STPG1: variants seen among roughly 807,000 people sequenced by gnomAD.
STPG1 encodes O(6)-methylguanine-induced apoptosis 2.
A neutral mutation model predicts 40.1 loss-of-function variants in STPG1; 33 were observed. The observed-to-expected ratio is 0.82, with a 90% CI of 0.62 to 1.10. The LOEUF (loss-of-function observed/expected upper bound fraction) is 1.10. STPG1 is among the 50% of genes least tolerant of loss of function. The pLI, the probability that STPG1 is intolerant of heterozygous loss-of-function variation, is 0.00. For synonymous variants in STPG1, 150 were observed against 155.0 expected (o/e 0.97, Z 0.24); for missense variants, 396 against 415.1 (o/e 0.95, Z 0.40).
At position 24,358,050 on chromosome 1, in the gene STPG1, A is replaced by AC; in HGVS notation, c.*492dup. The stretch of plus-strand genomic sequence containing the variant: ...CAGGTAGCTTTCGCCCAGTAGACAT[A>AC]CCGTAAGTGAGTGAGGTCAGAAAGG... On this transcript the variant is annotated 3_prime_UTR_variant, in exon 9 of 9. Coordinates refer to ENST00000337248, the MANE Select transcript of STPG1 (RefSeq NM_001199013.2). 2.7e-6 allele frequency: 1 copy of AC among 368,436 alleles called. No homozygotes were observed. 22.8% of individuals were successfully genotyped at this position (368,436 alleles called of 1,614,324 possible).
chr1:24,382,656 C>G (rs1642338500), intron 4 of STPG1, among the ~76,000 whole-genome samples: 2 of 152,296 alleles, frequency 1.3e-5, no homozygotes, highest in Middle Eastern at 3.4e-3. Flanking sequence ...CATGTACAAA[C>G]TCAGCTTCTT....
chr1:24,387,290 T>C (rs1024709886), intron 3 of STPG1, among the ~76,000 whole-genome samples: 2 of 152,166 alleles, frequency 1.3e-5, no homozygotes, highest in African/African-American at 4.8e-5. Flanking sequence ...ACAGTGCTCA[T>C]GGATGGATGT....
chr1:24,375,605 G>A (rs1307203522), intron 5 of STPG1, among the ~76,000 whole-genome samples: 1 of 152,088 alleles, frequency 6.6e-6, no homozygotes, highest in Non-Finnish European at 1.5e-5. Flanking sequence ...AAGAGGACTC[G>A]AATATACAAG....
At chr1:24,364,547 C>T (rs1641330427) in intron 7 of STPG1, 3 of 1,110,756 alleles carry the variant, frequency 2.7e-6, no homozygotes, top group South Asian at 4.9e-5. Flanking sequence ...TCTTCCTCAG[C>T]TTTGAGGCCC....
intron 4 of STPG1, among the ~76,000 whole-genome samples, chr1:24,381,906 C>A (rs563744114): frequency 6.6e-6 from 1 of 152,172 alleles, no homozygotes; most frequent in African/African-American, 2.4e-5. Flanking sequence ...TGAGGTAAAA[C>A]GCAGAGATCT....
At chr1:24,407,836 T>C (rs1643473622) in intron 1 of STPG1, among the ~76,000 whole-genome samples, 1 of 152,246 alleles carries the variant, frequency 6.6e-6, no homozygotes, top group Non-Finnish European at 1.5e-5. Context: ...ACATTTGGGC[T>C]CTTTTTCTAT....
chr1:24,388,170 C>A (rs940093454), intron 3 of STPG1, among the ~76,000 whole-genome samples: 5 of 152,134 alleles, frequency 3.3e-5, no homozygotes, highest in Non-Finnish European at 2.9e-5. Context: ...CTACCTATTA[C>A]AACATCTTTA....
In STPG1 at chr1:24,374,561, A is replaced by G. The variant is rs149375868; in HGVS notation, c.463-751T>C. On this transcript the variant is annotated intron_variant, in intron 5 of 8. Coordinates refer to ENST00000337248, the MANE Select transcript of STPG1 (RefSeq NM_001199013.2). ...GGCGTGAGCCACTGCGCCCAGCCGG[A>G]AAGTGTTTTTTTTTAAGTGTGTAAT... is the stretch of plus-strand genomic sequence containing the variant. 4.5e-3 allele frequency among the ~76,000 whole-genome samples: 650 copies of G among 145,728 alleles called. 5 individuals carry two copies. The highest frequency in any genetic ancestry group is 0.015 in the African/African-American group (602 of 39,324).
intron 2 of STPG1, among the ~76,000 whole-genome samples, chr1:24,394,983 C>T (rs938555314): frequency 2.0e-5 from 3 of 151,838 alleles, no homozygotes; most frequent in Non-Finnish European, 4.4e-5. Context: ...AGTCACTTAA[C>T]ATCAAATACA....
At chr1:24,412,230 ATCT>A (rs1189268194) in intron 1 of STPG1, among the ~76,000 whole-genome samples, 1 of 152,170 alleles carries the variant, frequency 6.6e-6, no homozygotes, top group Non-Finnish European at 1.5e-5. Context: ...CTAAAGACTA[ATCT>A]TCTTCTCCAC....
chr1:24,396,103 T>C (rs1048979499), intron 2 of STPG1, among the ~76,000 whole-genome samples: 2 of 152,052 alleles, frequency 1.3e-5, no homozygotes, highest in Non-Finnish European at 2.9e-5. Context: ...AATAAAAATA[T>C]ACTGTTTTAA....
chr1:24,388,055 C>T (rs2148702681), intron 3 of STPG1, among the ~76,000 whole-genome samples: 1 of 152,216 alleles, frequency 6.6e-6, no homozygotes, highest in East Asian at 1.9e-4. Flanking sequence ...TAAATTGTGC[C>T]CATCTAGAGC....
chr1:24,412,922 C>T (rs925261889), intron 1 of STPG1, among the ~76,000 whole-genome samples: 3 of 152,108 alleles, frequency 2.0e-5, no homozygotes, highest in Non-Finnish European at 2.9e-5. Flanking sequence ...TTTTAAAAAA[C>T]GTTATATATG....
At chr1:24,385,696 G>C (rs1488961592) in intron 3 of STPG1, among the ~76,000 whole-genome samples, 1 of 152,150 alleles carries the variant, frequency 6.6e-6, no homozygotes, top group Non-Finnish European at 1.5e-5. Flanking sequence ...CACAGAGTCT[G>C]CTCTTAACCA....
chr1:24,368,443 C>T (rs1410559483), intron 7 of STPG1, among the ~76,000 whole-genome samples: 1 of 152,150 alleles, frequency 6.6e-6, no homozygotes, highest in Non-Finnish European at 1.5e-5. Flanking sequence ...CTCCCAGTGG[C>T]CAGCTCTGTC....
intron 3 of STPG1, among the ~76,000 whole-genome samples, chr1:24,384,502 A>T (rs376853351): frequency 6.6e-6 from 1 of 152,178 alleles, no homozygotes; most frequent in East Asian, 1.9e-4. Context: ...ACAACCTTCA[A>T]CCCAAACCAG....
chr1:24,389,195 C>T (rs535297564), intron 3 of STPG1, among the ~76,000 whole-genome samples: 149 of 152,242 alleles, frequency 9.8e-4, no homozygotes, highest in African/African-American at 3.4e-3. Context: ...GAGAAGCAAT[C>T]ATCTTTTAAA....
intron 3 of STPG1, among the ~76,000 whole-genome samples, chr1:24,384,757 G>A (rs933542843): frequency 1.3e-5 from 2 of 152,176 alleles, no homozygotes; most frequent in Non-Finnish European, 2.9e-5. Context: ...CTGGGTACCT[G>A]CTTGGTGTCA....
At chr1:24,401,220 G>A (rs1643212403) in intron 2 of STPG1, 99 bp downstream of exon 2, 1 of 1,009,262 alleles carries the variant, frequency 9.9e-7, no homozygotes, top group Non-Finnish European at 1.5e-6. Context: ...ATGGCCCTGT[G>A]GATATAACCC....
Sources: allele counts gnomAD v4.1 joint callset (sites outside exome capture counted in the v4.1 genomes callset), GRCh38; gene constraint gnomAD v4.1.1; transcripts MANE v1.5; gene names NCBI Gene and HGNC (gene_info 2026-07-23, HGNC 2026-07-21).